SCYL3: variants seen among roughly 807,000 people sequenced by gnomAD.
The protein encoded by SCYL3 is SCY1 like pseudokinase 3.
Under a neutral mutation model 73.8 loss-of-function variants are expected in SCYL3, and 35 were observed. That is an observed-to-expected ratio of 0.47 (90% CI 0.36 to 0.63). SCYL3 has a LOEUF of 0.63. SCYL3 is among the 20% of genes least tolerant of loss of function. The pLI, the probability that SCYL3 is intolerant of heterozygous loss-of-function variation, is 0.00. For missense variants in SCYL3, 712 were observed against 798.9 expected (o/e 0.89, Z 1.31); for synonymous variants, 277 against 295.2 (o/e 0.94, Z 0.63).
chr1:169,875,996 A>C lies in SCYL3; in HGVS notation c.447T>G (p.Val149=). 6.2e-7 allele frequency: 1 copy of C among 1,610,394 alleles called. No individual in the cohort carries two copies. Among genetic ancestry groups the C allele is most frequent in the Non-Finnish European group, 8.5e-7 (1 of 1,178,456 alleles). ...KLGGMETVCK[V]SQATPEFLRS... is the part of the protein sequence containing the mutation. ...GGCTTACCTCTGGTGTGGCCTGAGA[A>C]ACTTTACAAACAGTTTCCATTCCTC... The change falls in exon 4 of 13, where the codon GTT becomes GTG. Residue 149 remains valine (V), a synonymous_variant. Transcript: ENST00000367771.
chr1:169,870,335 G>C lies in SCYL3; in HGVS notation c.545C>G (p.Pro182Arg). Residue 182 changes from proline to arginine, a missense_variant, in exon 6 of 13, where the codon CCA becomes CGA. Pro to Arg is a moderately radical substitution (Grantham distance 103, BLOSUM62 -2). This residue lies in a region of SCYL3 where 342 missense variants were observed against 448.1 expected (regional missense o/e 0.76). Transcript: ENST00000367771. ...ATCCCGGGCATGTCCATGACACTCTGGGAGAGTTGTGAATTCTGGAGACTA... is the reference window on the plus strand; with the variant it reads ...ATCCCGGGCATGTCCATGACACTCTCGGAGAGTTGTGAATTCTGGAGACTA... ...EEMSPEFTTL[P>R]ECHGHARDAF... 1.2e-6 allele frequency: 2 copies of C among 1,612,496 alleles called. No homozygotes were observed. The highest frequency in any genetic ancestry group is 1.7e-6 in the Non-Finnish European group (2 of 1,179,248).
Position 169,849,664 on chromosome 1 carries a change from C to T in SCYL3, c.*4049G>A. ...AAACCATTTTAATATTTCAAATATT[C>T]CAGAACAATCCCAAAACATTTATTG... On this transcript the variant is annotated 3_prime_UTR_variant, in exon 13 of 13. Transcript: ENST00000367771. 1 of 1,297,168 alleles carries T rather than the reference C, an allele frequency of 7.7e-7. No individual in the cohort carries two copies. The highest frequency in any genetic ancestry group is 2.3e-5 in the East Asian group (1 of 43,202). 80.4% of individuals were successfully genotyped at this position (1,297,168 alleles called of 1,614,324 possible).
chr1:169,866,363 A>T (rs546971457), intron 8 of SCYL3, among the ~76,000 whole-genome samples: 2 of 152,366 alleles, frequency 1.3e-5, no homozygotes, highest in Non-Finnish European at 2.9e-5. Flanking sequence ...TAGAGAACAA[A>T]GTGATCCACC....
In SCYL3 at chr1:169,859,195, A is replaced by G. The variant is rs1347581587; in HGVS notation, c.1158T>C (p.Arg386=). ...TTGCCACAATGGAATCGCTAGTATCACGCAGGCCCAGCAAAACCTAGGAGC... is the reference window on the plus strand; with the variant it reads ...TTGCCACAATGGAATCGCTAGTATCGCGCAGGCCCAGCAAAACCTAGGAGC... ...VILPQVLLGL[R]DTSDSIVAIT... The change falls in exon 11 of 13, where the codon CGT becomes CGC. Residue 386 remains arginine (R), a synonymous_variant. Transcript: ENST00000367771. The G allele has an allele frequency of 1.9e-6, 3 of 1,611,106 alleles. No individual in the cohort carries two copies. Among genetic ancestry groups the G allele is most frequent in the Non-Finnish European group, 1.7e-6 (2 of 1,178,936 alleles).
Position 169,852,941 on chromosome 1 carries a change from A to G in SCYL3, c.*772T>C, listed in dbSNP as rs1483979660. ...CTTTCAATGGAAATGGAGGCGCTCC[A>G]AGAAAGGATGGATAAGCTAAAACGT... is the stretch of plus-strand genomic sequence containing the variant. On this transcript the variant is annotated 3_prime_UTR_variant, in exon 13 of 13. Transcript: ENST00000367771. The G allele has an allele frequency of 6.8e-6, 11 of 1,614,054 alleles. No homozygotes were observed. Among genetic ancestry groups the G allele is most frequent in the Non-Finnish European group, 9.3e-6 (11 of 1,180,010 alleles).
intron 1 of SCYL3, among the ~76,000 whole-genome samples, chr1:169,890,472 C>T (rs939175121): frequency 1.3e-5 from 2 of 152,152 alleles, no homozygotes; most frequent in Non-Finnish European, 2.9e-5. Context: ...CAAATATAAA[C>T]TCAATAATCA....
intron 11 of SCYL3, 137 bp downstream of exon 11, chr1:169,858,904 T>A: frequency 4.5e-5 from 31 of 695,424 alleles, no homozygotes; most frequent in South Asian, 1.2e-4. Context: ...CCCCGAGAAG[T>A]TCAGAAAGAG....
In SCYL3 at chr1:169,852,973, C is replaced by T. The variant is rs758156966; in HGVS notation, c.*740G>A. 6.2e-7 allele frequency: 1 copy of T among 1,613,948 alleles called. No homozygotes were observed. Among genetic ancestry groups the T allele is most frequent in the South Asian group, 1.1e-5 (1 of 91,082 alleles). ...GATGGATAAGCTAAAACGTTACATA[C>T]ATACTCTAGGGTGAAACTTATCACT... On this transcript the variant is annotated 3_prime_UTR_variant, in exon 13 of 13. Transcript: ENST00000367771.
chr1:169,863,194 AG>A (rs1659791605), intron 9 of SCYL3, among the ~76,000 whole-genome samples: 1 of 152,216 alleles, frequency 6.6e-6, no homozygotes, highest in South Asian at 2.1e-4. Context: ...TACAGGCGTG[AG>A]CCACCGCGCC....
intron 8 of SCYL3, among the ~76,000 whole-genome samples, chr1:169,865,570 G>C (rs187668396): frequency 6.6e-6 from 1 of 151,912 alleles, no homozygotes; most frequent in Non-Finnish European, 1.5e-5. Flanking sequence ...CCTTTCCCTC[G>C]TCTATTAATA....
intron 8 of SCYL3, 41 bp from the exon 9 acceptor site, chr1:169,864,549 A>T (rs1417476427): frequency 6.5e-7 from 1 of 1,546,296 alleles, no homozygotes; most frequent in African/African-American, 1.4e-5. Context: ...TGGTCATGAC[A>T]CTGTATCAGC....
intron 4 of SCYL3, among the ~76,000 whole-genome samples, chr1:169,874,161 T>TA (rs1359875767): frequency 1.3e-5 from 2 of 152,160 alleles, no homozygotes; most frequent in East Asian, 3.8e-4. Context: ...TCTTAAGTCT[T>TA]GCTACCACAC....
intron 2 of SCYL3, 127 bp from the exon 3 acceptor site, chr1:169,878,946 C>T: frequency 2.8e-6 from 2 of 706,308 alleles, no homozygotes; most frequent in Non-Finnish European, 2.3e-6. Context: ...CCCTACCTTC[C>T]TCCCTACCCA....
intron 9 of SCYL3, among the ~76,000 whole-genome samples, 164 bp downstream of exon 9, chr1:169,864,205 G>A (rs1659863156): frequency 6.6e-6 from 1 of 152,148 alleles, no homozygotes; most frequent in African/African-American, 2.4e-5. Flanking sequence ...GTGAACTCTG[G>A]TACCCAGGTT....
rs2102106213 is a variant in SCYL3, at chr1:169,852,622, C to T, written c.*1091G>A. The T allele has an allele frequency of 4.6e-6, 3 of 656,130 alleles. No individual in the cohort carries two copies. Among genetic ancestry groups the T allele is most frequent in the South Asian group, 4.0e-5 (2 of 49,622 alleles). 40.6% of individuals were successfully genotyped at this position (656,130 alleles called of 1,614,324 possible). A position where few individuals can be genotyped will look rare whatever the true frequency, so the allele number is the denominator to read the frequency against. ...GAATTGCTATGATAAACCAAAATGC[C>T]TTTACATATTTTTCTAGATGACTGT... On this transcript the variant is annotated 3_prime_UTR_variant, in exon 13 of 13. Coordinates refer to ENST00000367771, the MANE Select transcript of SCYL3 (RefSeq NM_020423.7).
At chr1:169,884,195 A>T (rs1661509282) in intron 2 of SCYL3, among the ~76,000 whole-genome samples, 1 of 152,366 alleles carries the variant, frequency 6.6e-6, no homozygotes, top group Admixed American at 6.5e-5. Context: ...ATTACAAACT[A>T]ATAAATACAG....
intron 2 of SCYL3, among the ~76,000 whole-genome samples, chr1:169,883,339 G>C (rs1661438372): frequency 6.6e-6 from 1 of 152,134 alleles, no homozygotes; most frequent in South Asian, 2.1e-4. Flanking sequence ...CCTGTTCCTA[G>C]AGGCCACGAA....
At chr1:169,882,858 A>G (rs1342740766) in intron 2 of SCYL3, among the ~76,000 whole-genome samples, 2 of 152,146 alleles carry the variant, frequency 1.3e-5, no homozygotes, top group Non-Finnish European at 2.9e-5. Flanking sequence ...CGCCCTGTCA[A>G]AACAGACCAC....
At chr1:169,864,231 A>C (rs1659864546) in intron 9 of SCYL3, 138 bp downstream of exon 9, 35 of 1,111,272 alleles carry the variant, frequency 3.1e-5, no homozygotes, top group Admixed American at 2.1e-5. Flanking sequence ...TAAAGTTATC[A>C]CATCAGGGGC....
Sources: allele counts gnomAD v4.1 joint callset (sites outside exome capture counted in the v4.1 genomes callset), GRCh38; gene constraint gnomAD v4.1.1; regional missense constraint gnomAD v4.1.1; transcripts MANE v1.5; gene names NCBI Gene and HGNC (gene_info 2026-07-23, HGNC 2026-07-21).